The following LBH variants were observed in gnomAD, a reference collection of about 807,000 sequenced individuals.
The protein encoded by LBH is protein LBH.
In LBH, 7 loss-of-function variants were observed where a neutral mutation model predicts 12.5. That is an observed-to-expected ratio of 0.56 (90% CI 0.32 to 1.05). The LOEUF is 1.05. LBH is among the 50% of genes least tolerant of loss of function. The probability of loss-of-function intolerance (pLI) is 0.04; values close to 1 mark genes in which losing one functional copy is unlikely to be tolerated. For missense variants in LBH, 119 were observed against 138.9 expected, an observed-to-expected ratio of 0.86 and a Z score of 0.72; for synonymous variants, 51 against 50.1, an observed-to-expected ratio of 1.02 and a Z score of -0.08.
chr2:30,231,564 T>G lies in LBH; in HGVS notation c.-175T>G, dbSNP rs1293627375. 1.6e-6 allele frequency: 1 copy of G among 637,564 alleles called. No homozygotes were observed. The highest frequency in any genetic ancestry group is 2.8e-6 in the Non-Finnish European group (1 of 353,072). The allele number at this position is 637,564 out of a possible 1,614,324, so 39.5% of individuals were successfully genotyped here. A position where few individuals can be genotyped will look rare whatever the true frequency, so the allele number is the denominator to read the frequency against. On this transcript the variant is annotated 5_prime_UTR_variant, in exon 1 of 3. Coordinates refer to ENST00000395323, the MANE Select transcript of LBH (RefSeq NM_030915.4). The stretch of plus-strand genomic sequence containing the variant: ...GTGCTCAGTGGAGAGCGGGGAGTTG[T>G]GTCCACCTTGCCGACGTCGCTAGCC...
intron 2 of LBH, among the ~76,000 whole-genome samples, chr2:30,253,952 A>G (rs969793970): frequency 1.3e-5 from 2 of 152,202 alleles, no homozygotes; most frequent in South Asian, 2.1e-4. Flanking sequence ...AACCCATGCT[A>G]TCAAGTGAAC....
At chr2:30,246,874 T>G (rs1468104836) in intron 2 of LBH, among the ~76,000 whole-genome samples, 1 of 142,420 alleles carries the variant, frequency 7.0e-6, no homozygotes, top group African/African-American at 2.6e-5. Context: ...CAGGCTAGAG[T>G]GCAGTGGCAT....
intron 1 of LBH, chr2:30,232,786 T>G (rs1440196763): frequency 6.6e-6 from 1 of 152,328 alleles, no homozygotes; most frequent in Admixed American, 6.5e-5. Context: ...TCACCCTGCG[T>G]GCGCTCTTCT....
intron 2 of LBH, among the ~76,000 whole-genome samples, chr2:30,245,445 G>A (rs369939837): frequency 1.3e-5 from 2 of 152,180 alleles, no homozygotes; most frequent in African/African-American, 4.8e-5. Flanking sequence ...CCATGGATAC[G>A]TACACTTTCT....
At chr2:30,239,772 C>T (rs1347959919) in intron 2 of LBH, among the ~76,000 whole-genome samples, 2 of 152,206 alleles carry the variant, frequency 1.3e-5, no homozygotes, top group East Asian at 3.9e-4. Context: ...GCACTGGGCC[C>T]GTGTCTGCAC....
chr2:30,231,908 G>A (rs1677592602), intron 1 of LBH, 144 bp downstream of exon 1: 3 of 356,936 alleles, frequency 8.4e-6, no homozygotes, highest in Non-Finnish European at 8.6e-6. Context: ...CCGTGCAGGA[G>A]TCAACGTCAA....
At chr2:30,249,577 C>G (rs937946) in intron 2 of LBH, among the ~76,000 whole-genome samples, 150,833 of 152,300 alleles carry the variant, frequency 0.99, 74,708 homozygotes, top group South Asian at 1. Flanking sequence ...TTTCATTCCC[C>G]CGGTCCTAAC....
At chr2:30,255,610 C>G (rs185931360) in intron 2 of LBH, among the ~76,000 whole-genome samples, 5 of 152,210 alleles carry the variant, frequency 3.3e-5, no homozygotes, top group Admixed American at 1.3e-4. Context: ...TCACTGAGGC[C>G]TGTGATTCCT....
At chr2:30,246,614 T>C (rs1677873172) in intron 2 of LBH, among the ~76,000 whole-genome samples, 1 of 152,230 alleles carries the variant, frequency 6.6e-6, no homozygotes, top group South Asian at 2.1e-4. Context: ...TAGGCTAGAC[T>C]CTCATGTGCT....
At chr2:30,244,891 G>A (rs1289963717) in intron 2 of LBH, among the ~76,000 whole-genome samples, 1 of 152,082 alleles carries the variant, frequency 6.6e-6, no homozygotes, top group African/African-American at 2.4e-5. Context: ...GGGTAAAAGT[G>A]AGACCCTGTC....
chr2:30,242,592 G>GA (rs922026437), intron 2 of LBH, among the ~76,000 whole-genome samples: 3 of 151,736 alleles, frequency 2.0e-5, no homozygotes, highest in South Asian at 4.2e-4. Context: ...CATGGGAAGA[G>GA]AAAAAAAATC....
chr2:30,239,486 C>G (rs967427813), intron 2 of LBH, among the ~76,000 whole-genome samples: 1 of 152,172 alleles, frequency 6.6e-6, no homozygotes, highest in Non-Finnish European at 1.5e-5. Flanking sequence ...AGCAGCTGCA[C>G]GCAAGTCCCA....
intron 2 of LBH, among the ~76,000 whole-genome samples, chr2:30,255,022 T>C (rs1469670598): frequency 2.0e-5 from 3 of 152,242 alleles, no homozygotes; most frequent in African/African-American, 7.2e-5. Flanking sequence ...TCCAGAAGGC[T>C]CAGGCACTGA....
intron 2 of LBH, among the ~76,000 whole-genome samples, chr2:30,245,321 T>C (rs574979744): frequency 1.3e-5 from 2 of 152,376 alleles, no homozygotes; most frequent in African/African-American, 4.8e-5. Context: ...AAGAGTGGTA[T>C]GTATATTTTA....
At chr2:30,232,414 C>T in intron 1 of LBH, 3 of 677,048 alleles carry the variant, frequency 4.4e-6, no homozygotes, top group Non-Finnish European at 6.7e-6. Context: ...GGAAGGAGCC[C>T]GGGCCGGGCG....
Position 30,231,607 on chromosome 2 carries a change from A to C in LBH, c.-132A>C. 1 of 823,752 alleles carries C rather than the reference A, an allele frequency of 1.2e-6. No homozygotes were observed. Among genetic ancestry groups the C allele is most frequent in the Non-Finnish European group, 2.0e-6 (1 of 489,670 alleles). The allele number at this position is 823,752 out of a possible 1,614,324, so 51.0% of individuals were successfully genotyped here. A position where few individuals can be genotyped will look rare whatever the true frequency, so the allele number is the denominator to read the frequency against. On this transcript the variant is annotated 5_prime_UTR_variant, in exon 1 of 3. Coordinates refer to ENST00000395323, the MANE Select transcript of LBH (RefSeq NM_030915.4). ...CGCTAGCCGTGGGGCTGTCCTGGGA[A>C]GGCGGACGGCGAGCGCCCGGTGTCC...
chr2:30,234,210 T>C (rs1239071443), intron 1 of LBH, 195 bp from the exon 2 acceptor site: 3 of 574,892 alleles, frequency 5.2e-6, no homozygotes, highest in African/African-American at 1.9e-5. Context: ...CTTTGTCTGT[T>C]GCGGCTGAGC....
intron 2 of LBH, among the ~76,000 whole-genome samples, chr2:30,246,912 C>T (rs534649131): frequency 6.8e-6 from 1 of 147,454 alleles, no homozygotes; most frequent in Admixed American, 6.7e-5. Context: ...GCCTCCAACT[C>T]CTGGACTCAA....
At chr2:30,255,913 A>G (rs1001204) in intron 2 of LBH, among the ~76,000 whole-genome samples, 34,839 of 152,140 alleles carry the variant, frequency 0.23, 4,488 homozygotes, top group African/African-American at 0.31. Context: ...TGCCATGAAC[A>G]AGCTGTGTGA....
Sources: allele counts gnomAD v4.1 joint callset (sites outside exome capture counted in the v4.1 genomes callset), GRCh38; gene constraint gnomAD v4.1.1; transcripts MANE v1.5; gene names NCBI Gene and HGNC (gene_info 2026-07-23, HGNC 2026-07-21).